COG4: variants seen among roughly 807,000 people sequenced by gnomAD.
COG4 encodes the protein component of oligomeric golgi complex 4.
COG4 carries 65 observed loss-of-function variants against 95.1 expected under a neutral mutation model. The ratio of observed to expected loss-of-function variants is 0.68; its 90% CI spans 0.56 to 0.84. COG4 has a LOEUF of 0.84. COG4 is among the 40% of genes least tolerant of loss of function. The probability of loss-of-function intolerance (pLI) is 0.00; values close to 1 mark genes in which losing one functional copy is unlikely to be tolerated. For synonymous variants in COG4, 421 were observed against 374.8 expected (o/e 1.12, Z -1.42); for missense variants, 1,045 against 989.1 (o/e 1.06, Z -0.76).
At position 70,481,403 on chromosome 16, in the gene COG4, A is replaced by G. The variant is rs1486486893; in HGVS notation, c.2191T>C (p.Phe731Leu). Residue 731 changes from phenylalanine to leucine, a missense_variant, in exon 18 of 19, where the codon TTT (phenylalanine) becomes CTT (leucine). Phe to Leu is a conservative substitution (Grantham distance 22). Transcript: ENST00000323786. Reference protein sequence around the residue: ...TVTTWTIRDKFARLSQMATIL... With the variant: ...TVTTWTIRDKLARLSQMATIL... ...GTGGCCATCTGGGAGAGCCGGGCAAACTTGTCTCGGATGGTCCAGGTGGTC... is the reference window on the plus strand; with the variant it reads ...GTGGCCATCTGGGAGAGCCGGGCAAGCTTGTCTCGGATGGTCCAGGTGGTC... 1.2e-6 allele frequency: 2 copies of G among 1,613,166 alleles called. No homozygotes were observed. Among genetic ancestry groups the G allele is most frequent in the East Asian group, 2.2e-5 (1 of 44,850 alleles).
chr16:70,509,208 T>C lies in COG4; in HGVS notation c.1002+23A>G, dbSNP rs16970240. On this transcript the variant is annotated intron_variant, in intron 7 of 18. Coordinates refer to ENST00000323786, the MANE Select transcript of COG4 (RefSeq NM_015386.3). ...CCTCGCTAAAGCTGCTACCAAACCC[T>C]ACCTGTAGCTTCCCCTGCTCACCTG... 0.024 allele frequency: 37,963 copies of C among 1,613,908 alleles called. 6,849 individuals carry two copies. The African/African-American group carries it at 0.42, about 18-fold the overall frequency.
At chr16:70,506,628 A>AAAG (rs2049582396) in intron 8 of COG4, among the ~76,000 whole-genome samples, 1 of 135,700 alleles carries the variant, frequency 7.4e-6, no homozygotes, top group Non-Finnish European at 1.5e-5. Flanking sequence ...CAAAAAAAAA[A>AAAG]ACATTTAGCT....
chr16:70,520,458 C>CAAAAACA (rs570242037), intron 1 of COG4, among the ~76,000 whole-genome samples: 1 of 130,572 alleles, frequency 7.7e-6, no homozygotes, highest in Admixed American at 8.1e-5. Context: ...GACTCCGTCT[C>CAAAAACA]AAAAACAAAA....
chr16:70,497,528 G>C, intron 10 of COG4, 141 bp from the exon 11 acceptor site: 3 of 816,840 alleles, frequency 3.7e-6, no homozygotes, highest in Admixed American at 1.9e-5. Flanking sequence ...CATCCTCCTT[G>C]TCAAAATAGC....
chr16:70,512,473 G>C (rs200258470), intron 4 of COG4, 41 bp from the exon 5 acceptor site: 1 of 1,553,196 alleles, frequency 6.4e-7, no homozygotes, highest in East Asian at 2.3e-5. Context: ...GTAAAGAATA[G>C]TACTGTGGCA....
At chr16:70,511,804 T>C (rs1161917042) in intron 5 of COG4, among the ~76,000 whole-genome samples, 1 of 152,048 alleles carries the variant, frequency 6.6e-6, no homozygotes, top group African/African-American at 2.4e-5. Context: ...TGGTAGCATA[T>C]GCCTGTAATC....
chr16:70,501,649 C>T (rs1274037512), intron 8 of COG4: 2 of 150,358 alleles, frequency 1.3e-5, no homozygotes, highest in Non-Finnish European at 1.4e-5. Flanking sequence ...CCACTGCGCC[C>T]GGCCTATTTT....
intron 4 of COG4, among the ~76,000 whole-genome samples, chr16:70,512,801 A>C (rs921583002): frequency 2.6e-5 from 4 of 152,296 alleles, no homozygotes; most frequent in Non-Finnish European, 5.9e-5. Flanking sequence ...AACATGGTGA[A>C]ACCCTGCCTC....
At chr16:70,497,800 A>G in intron 10 of COG4, 137 bp downstream of exon 10, 1 of 769,764 alleles carries the variant, frequency 1.3e-6, no homozygotes, top group Non-Finnish European at 2.4e-6. Flanking sequence ...CTAAACATAC[A>G]AAGTGGTACC....
chr16:70,515,445 G>A (rs2049801512), intron 3 of COG4, among the ~76,000 whole-genome samples: 1 of 152,066 alleles, frequency 6.6e-6, no homozygotes. Flanking sequence ...CAGCACTTTC[G>A]GAAGCCGAGG....
At chr16:70,508,780 T>G (rs1444090836) in intron 7 of COG4, 1 of 583,546 alleles carries the variant, frequency 1.7e-6, no homozygotes, top group East Asian at 3.9e-5. Context: ...TATTTCTATG[T>G]CGTACTTTTA....
rs142848504 is a variant in COG4 at position 70,497,305 on chromosome 16, A to G, written c.1397T>C (p.Ile466Thr). ...DDVFYIVKKC[I>T]GRALSSSSID... is the part of the protein sequence containing the mutation. Reference sequence around the variant, plus strand: ...GCTGGAGCTGGACAGAGCCCGCCCAATGCACTTCTTAACAATGTAGAAGAC... The same window carrying G: ...GCTGGAGCTGGACAGAGCCCGCCCAGTGCACTTCTTAACAATGTAGAAGAC... The change falls in exon 11 of 19, where the codon ATT (isoleucine) becomes ACT (threonine). Residue 466 changes from isoleucine (I) to threonine (T), a missense_variant. Physicochemically the swap from Ile to Thr is moderately conservative, Grantham distance 89 (BLOSUM62 -1). Coordinates refer to ENST00000323786, the MANE Select transcript of COG4 (RefSeq NM_015386.3). 1.3e-5 allele frequency: 21 copies of G among 1,613,998 alleles called. No homozygotes were observed. Among genetic ancestry groups the G allele is most frequent in the African/African-American group, 2.7e-5 (2 of 74,892 alleles).
In COG4 at chr16:70,512,306, T is replaced by G. The variant is rs748072984; in HGVS notation, c.671A>C (p.Lys224Thr). The G allele has an allele frequency of 6.2e-7, 1 of 1,614,044 alleles. No homozygotes were observed. Among genetic ancestry groups the G allele is most frequent in the African/African-American group, 1.3e-5 (1 of 74,928 alleles). ...ATGCAAACCCAGCAGTGGGAAGATC[T>G]TGAAGAAGCGCTCCACCTGGGGCAG... The part of the protein sequence containing the change: ...GDLPQVERFF[K>T]IFPLLGLHEE... Residue 224 changes from lysine (K) to threonine (T), a missense_variant, in exon 5 of 19, where the codon AAG (lysine) becomes ACG (threonine). Lys to Thr is a moderately conservative substitution (Grantham distance 78, BLOSUM62 -1). Coordinates refer to ENST00000323786, the MANE Select transcript of COG4 (RefSeq NM_015386.3).
Position 70,496,346 on chromosome 16 carries a change from T to A in COG4, c.1567A>T (p.Ile523Phe), listed in dbSNP as rs1239858999. 1 of 1,614,186 alleles carries A rather than the reference T, an allele frequency of 6.2e-7. No homozygotes were observed. The highest frequency in any genetic ancestry group is 2.2e-5 in the East Asian group (1 of 44,884). Residue 523 changes from isoleucine (I) to phenylalanine (F), a missense_variant, in exon 12 of 19, where the codon ATC becomes TTC. Physicochemically the swap from Ile to Phe is conservative, Grantham distance 21. Transcript: ENST00000323786. Reference protein sequence around the residue: ...IQRGVTSAVNIMHSSLQQGKF... With the variant: ...IQRGVTSAVNFMHSSLQQGKF... ...CCTTGCTGGAGGCTGCTGTGCATGA[T>A]GTTCACGGCACTTGTCACCCCGCGC...
intron 8 of COG4, among the ~76,000 whole-genome samples, chr16:70,504,609 T>TAAAAAAAAAA (rs66751123): frequency 0.018 from 2,162 of 121,542 alleles, 102 homozygotes; most frequent in African/African-American, 0.073. Context: ...AGATTCTATT[T>TAAAAAAAAAA]AAAAAAAAAA....
chr16:70,518,303 A>C (rs376498756), intron 2 of COG4, among the ~76,000 whole-genome samples: 1 of 152,212 alleles, frequency 6.6e-6, no homozygotes, highest in East Asian at 1.9e-4. Context: ...TCAATTGCTA[A>C]GTGAGCATAA....
chr16:70,519,818 A>C, intron 1 of COG4, 87 bp from the exon 2 acceptor site: 4 of 985,796 alleles, frequency 4.1e-6, no homozygotes, highest in South Asian at 4.0e-5. Flanking sequence ...TGAAGGGTGA[A>C]TCTCATTTCC....
chr16:70,504,079 T>C lies in COG4; in HGVS notation c.1062-2988A>G, dbSNP rs542264999. On this transcript the variant is annotated intron_variant, in intron 8 of 18. Coordinates refer to ENST00000323786, the MANE Select transcript of COG4 (RefSeq NM_015386.3). ...GCTTGGATTCCATTTCTCACCGCCA[T>C]TTTCTAGCTGCATGACCTTGGGCAA... Among the ~76,000 whole-genome samples, 5 of 152,314 alleles carry C rather than the reference T, an allele frequency of 3.3e-5. No homozygotes were observed. In the South Asian group the frequency reaches 1.0e-3, roughly 32 times the overall value.
chr16:70,506,602 A>AAAAAAAAAAAAAG (rs2049574467), intron 8 of COG4, among the ~76,000 whole-genome samples: 1 of 107,478 alleles, frequency 9.3e-6, no homozygotes, highest in Non-Finnish European at 1.9e-5. Flanking sequence ...TCAAAAAAAA[A>AAAAAAAAAAAAAG]AAAAAAAAAA....
Sources: allele counts gnomAD v4.1 joint callset (sites outside exome capture counted in the v4.1 genomes callset), GRCh38; gene constraint gnomAD v4.1.1; transcripts MANE v1.5; gene names NCBI Gene and HGNC (gene_info 2026-07-23, HGNC 2026-07-21).